The following FOXP1 variants were observed in gnomAD, a reference collection of about 807,000 sequenced individuals.
FOXP1 encodes the protein forkhead box protein P1.
FOXP1 carries 15 observed loss-of-function variants against 98.2 expected under a neutral mutation model. That is an observed-to-expected ratio of 0.15 (90% confidence interval 0.10 to 0.24). FOXP1 has a LOEUF of 0.24. Among genes scored for constraint, FOXP1 ranks in the 10% least tolerant of loss-of-function variants. FOXP1 has a pLI of 1.00. For synonymous variants in FOXP1, 371 were observed against 314.5 expected, an observed-to-expected ratio of 1.18 and a Z score of -1.90; for missense variants, 633 against 848.5, an observed-to-expected ratio of 0.75 and a Z score of 3.15.
chr3:71,047,677 A>G (rs2049217648), intron 9 of FOXP1, among the ~76,000 whole-genome samples: 1 of 152,216 alleles, frequency 6.6e-6, no homozygotes, highest in Non-Finnish European at 1.5e-5. Flanking sequence ...TTTTAATTAC[A>G]CACATTCATA....
intron 13 of FOXP1, among the ~76,000 whole-genome samples, chr3:70,990,607 C>T (rs1414136209): frequency 6.6e-6 from 1 of 152,088 alleles, no homozygotes; most frequent in Non-Finnish European, 1.5e-5. Flanking sequence ...ACATTCAATC[C>T]GAAGGCCCAC....
chr3:71,051,524 G>C (rs1213998442), intron 9 of FOXP1, among the ~76,000 whole-genome samples: 1 of 152,178 alleles, frequency 6.6e-6, no homozygotes, highest in Non-Finnish European at 1.5e-5. Context: ...CGAGTCACCT[G>C]GTAAGACTCC....
intron 6 of FOXP1, among the ~76,000 whole-genome samples, chr3:71,166,992 C>T (rs1225203223): frequency 1.3e-5 from 2 of 151,968 alleles, no homozygotes; most frequent in Admixed American, 1.3e-4. Context: ...TTATCTTGTT[C>T]TGTGACAGGC....
intron 3 of FOXP1, among the ~76,000 whole-genome samples, chr3:71,393,966 G>T (rs1197104508): frequency 6.6e-6 from 1 of 152,174 alleles, no homozygotes; most frequent in Non-Finnish European, 1.5e-5. Flanking sequence ...AAGTGTTGGG[G>T]TTACAGGCAT....
At chr3:71,463,711 GTAAC>G (rs1560521429) in intron 3 of FOXP1, among the ~76,000 whole-genome samples, 1 of 152,124 alleles carries the variant, frequency 6.6e-6, no homozygotes, top group African/African-American at 2.4e-5. Context: ...AGCTACCAGG[GTAAC>G]TATCATGACT....
In FOXP1 at chr3:71,108,055, G is replaced by A. The variant is rs767425970; in HGVS notation, c.282+4481C>T. On this transcript the variant is annotated intron_variant, in intron 7 of 20. Coordinates refer to ENST00000649528, the MANE Select transcript of FOXP1 (RefSeq NM_001349338.3). The stretch of plus-strand genomic sequence containing the variant: ...ACATGACATCACCTTGGAAGGAAGG[G>A]CATGGGCAGGAAGGAAAACTATCAG... Among the ~76,000 whole-genome samples the A allele has an allele frequency of 3.4e-4, 51 of 152,194 alleles. 1 individual carries two copies. The highest frequency in any genetic ancestry group is 1.3e-4 in the Non-Finnish European group (9 of 68,034).
chr3:70,988,223 C>A, intron 13 of FOXP1, 146 bp from the exon 14 acceptor site: 3 of 803,896 alleles, frequency 3.7e-6, no homozygotes, highest in Non-Finnish European at 6.3e-6. Context: ...ATCTACATGA[C>A]CATTGCCAAA....
intron 5 of FOXP1, among the ~76,000 whole-genome samples, chr3:71,289,019 CTTATTTAT>C (rs55803418): frequency 0.012 from 1,855 of 148,774 alleles, 36 homozygotes; most frequent in African/African-American, 0.043. Context: ...CAACTCTCTT[CTTATTTAT>C]TTATTTATTT....
intron 3 of FOXP1, among the ~76,000 whole-genome samples, chr3:71,480,578 T>C (rs1410717435): frequency 1.3e-5 from 2 of 152,158 alleles, no homozygotes; most frequent in East Asian, 3.8e-4. Flanking sequence ...ATAAAACATA[T>C]CTCTATGACT....
rs77089705 is a variant in FOXP1 at position 71,529,440 on chromosome 3, C to A, written c.-297-35885G>T. Among the ~76,000 whole-genome samples, 402 of 152,264 alleles carry A rather than the reference C, an allele frequency of 2.6e-3. 1 individual carries two copies. Among genetic ancestry groups the A allele is most frequent in the African/African-American group, 9.1e-3 (377 of 41,538 alleles). Reference sequence around the variant, plus strand: ...ACATAGTCCTTAAAAACTTTGGAAACCCCAAAGTGATAATTGTCTTTTTGT... The same window carrying A: ...ACATAGTCCTTAAAAACTTTGGAAAACCCAAAGTGATAATTGTCTTTTTGT... On this transcript the variant is annotated intron_variant, in intron 2 of 20. Transcript: ENST00000649528.
intron 19 of FOXP1, chr3:70,968,507 G>A (rs1429245914): frequency 6.6e-6 from 1 of 151,906 alleles, no homozygotes; most frequent in Non-Finnish European, 1.5e-5. Flanking sequence ...AGTTGCTTAA[G>A]TAATGGTGCA....
intron 5 of FOXP1, among the ~76,000 whole-genome samples, chr3:71,242,910 C>A (rs1223800685): frequency 2.0e-5 from 3 of 152,146 alleles, no homozygotes; most frequent in Non-Finnish European, 4.4e-5. Context: ...AGCTTAGGCT[C>A]TGAAGTAGTA....
chr3:70,972,350 T>C, intron 18 of FOXP1: 2 of 879,058 alleles, frequency 2.3e-6, no homozygotes, highest in East Asian at 2.6e-5. Flanking sequence ...GCTACTAGCA[T>C]GTGATGCAAC....
At position 71,519,372 on chromosome 3, in the gene FOXP1, A is replaced by C. The variant is rs552938326; in HGVS notation, c.-297-25817T>G. On this transcript the variant is annotated intron_variant, in intron 2 of 20. Transcript: ENST00000649528. Reference sequence around the variant, plus strand: ...CTTTACATAGTACATCATCACAGAAAAGTACTAGACATTAGATTTCATGTT... The same window carrying C: ...CTTTACATAGTACATCATCACAGAACAGTACTAGACATTAGATTTCATGTT... 1.8e-4 allele frequency among the ~76,000 whole-genome samples: 28 copies of C among 152,362 alleles called. No homozygotes were observed. The South Asian group carries it at 5.4e-3, about 29-fold the overall frequency.
intron 14 of FOXP1, among the ~76,000 whole-genome samples, chr3:70,979,316 A>AAAAAAG (rs1553670621): frequency 7.3e-5 from 7 of 96,502 alleles, no homozygotes; most frequent in African/African-American, 2.6e-4. Context: ...AAAAAAAAAA[A>AAAAAAG]AAAAGAAAAA....
chr3:71,043,979 T>C (rs2048692599), intron 10 of FOXP1, among the ~76,000 whole-genome samples: 1 of 152,224 alleles, frequency 6.6e-6, no homozygotes, highest in African/African-American at 2.4e-5. Flanking sequence ...ACAGCGATAC[T>C]TCTGGGTCAA....
At chr3:71,469,480 G>A (rs1003191581) in intron 3 of FOXP1, among the ~76,000 whole-genome samples, 4 of 152,174 alleles carry the variant, frequency 2.6e-5, no homozygotes, top group Admixed American at 2.6e-4. Flanking sequence ...CAAACAAACA[G>A]TTGCAAAATT....
At chr3:71,460,750 A>C (rs1300793686) in intron 3 of FOXP1, among the ~76,000 whole-genome samples, 1 of 152,044 alleles carries the variant, frequency 6.6e-6, no homozygotes, top group Non-Finnish European at 1.5e-5. Context: ...AATTTTTCTA[A>C]CCTAAAACAA....
At chr3:71,464,232 T>C (rs1201462709) in intron 3 of FOXP1, among the ~76,000 whole-genome samples, 1 of 152,126 alleles carries the variant, frequency 6.6e-6, no homozygotes, top group Non-Finnish European at 1.5e-5. Context: ...GCCATAATCG[T>C]ATCACTGCAC....
Sources: gnomAD v4.1 joint callset for allele counts (sites outside exome capture counted in the v4.1 genomes callset) on GRCh38, gnomAD v4.1.1 for gene constraint, MANE v1.5 for transcripts, NCBI Gene and HGNC (gene_info 2026-07-23, HGNC 2026-07-21) for gene names.